Variants in DPP8 observed in about 807,000 individuals in gnomAD.
The protein encoded by DPP8 is dipeptidyl peptidase 8, also known as DPP VIII.
A neutral mutation model predicts 107.5 loss-of-function variants in DPP8; 31 were observed. The observed-to-expected ratio is 0.29, with a 90% CI of 0.22 to 0.39. The LOEUF (loss-of-function observed/expected upper bound fraction) is 0.39, where lower values mean the gene tolerates loss of function less well. Ranked by LOEUF, DPP8 falls within the 10% of genes least tolerant of loss-of-function variation. The pLI is 1.00. For missense variants in DPP8, 842 were observed against 1,076.1 expected (o/e 0.78, Z 3.04); for synonymous variants, 381 against 356.6 (o/e 1.07, Z -0.77).
intron 11 of DPP8, 74 bp downstream of exon 11, chr15:65,478,806 G>A: frequency 9.5e-7 from 1 of 1,050,738 alleles, no homozygotes; most frequent in South Asian, 1.5e-5. Flanking sequence ...GCATGCAAAA[G>A]ATACATTCCC....
intron 15 of DPP8, among the ~76,000 whole-genome samples, chr15:65,463,503 T>C (rs1019732607): frequency 2.0e-5 from 3 of 151,652 alleles, no homozygotes; most frequent in East Asian, 1.9e-4. Flanking sequence ...CATTGCGCCA[T>C]TGTACTTCAG....
At chr15:65,490,849 C>T (rs2140903891) in intron 5 of DPP8, among the ~76,000 whole-genome samples, 1 of 152,032 alleles carries the variant, frequency 6.6e-6, no homozygotes, top group Non-Finnish European at 1.5e-5. Flanking sequence ...AAAAGAAAAC[C>T]ACAAAGCCAT....
intron 16 of DPP8, chr15:65,455,770 T>G: frequency 7.8e-7 from 1 of 1,287,792 alleles, no homozygotes; most frequent in South Asian, 1.2e-5. Context: ...AAAAGGAACA[T>G]CGGATTCTCA....
intron 15 of DPP8, 74 bp downstream of exon 15, chr15:65,463,687 G>A (rs1040298420): frequency 1.2e-5 from 16 of 1,305,242 alleles, no homozygotes; most frequent in Admixed American, 8.1e-5. Flanking sequence ...AAACTGACTA[G>A]ACATTTAAAA....
Position 65,446,616 on chromosome 15 carries a change from CTTTT to C in DPP8, c.*264_*267del, listed in dbSNP as rs397969608. 3.4e-5 allele frequency: 4 copies of C among 119,078 alleles called. No individual in the cohort carries two copies. Among genetic ancestry groups the C allele is most frequent in the East Asian group, 2.5e-4 (1 of 4,024 alleles). 7.4% of individuals were successfully genotyped at this position (119,078 alleles called of 1,614,324 possible). On this transcript the variant is annotated 3_prime_UTR_variant, in exon 20 of 20. Coordinates refer to ENST00000300141, the MANE Select transcript of DPP8 (RefSeq NM_130434.5). Reference sequence around the variant, plus strand: ...TAGTATGAATACATGGTGCTAATGTCTTTTTTTTTTTTTTTTTTTTAGTAATTCT... The same window carrying C: ...TAGTATGAATACATGGTGCTAATGTCTTTTTTTTTTTTTTTTAGTAATTCT...
chr15:65,512,074 T>C (rs1024036119), intron 2 of DPP8: 10 of 684,066 alleles, frequency 1.5e-5, no homozygotes, highest in Admixed American at 4.1e-5. Flanking sequence ...TCTTCGATTT[T>C]GAAAAACGAT....
intron 8 of DPP8, among the ~76,000 whole-genome samples, chr15:65,482,892 C>T (rs1210858171): frequency 2.7e-5 from 4 of 150,832 alleles, no homozygotes; most frequent in East Asian, 4.0e-4. Context: ...GTCAGGAGAT[C>T]GAGACCATCC....
At chr15:65,510,941 G>A (rs1045047187) in intron 2 of DPP8, among the ~76,000 whole-genome samples, 2 of 152,150 alleles carry the variant, frequency 1.3e-5, no homozygotes, top group African/African-American at 4.8e-5. Flanking sequence ...GACTGGGAAA[G>A]ATCAAAAAGT....
intron 3 of DPP8, among the ~76,000 whole-genome samples, chr15:65,502,304 GAAAA>G (rs11320643): frequency 1.4e-5 from 2 of 147,218 alleles, no homozygotes; most frequent in Non-Finnish European, 3.0e-5. Context: ...TTGCTAAATG[GAAAA>G]AAAAAAAAAA....
At chr15:65,495,523 G>C (rs530795756) in intron 5 of DPP8, among the ~76,000 whole-genome samples, 4 of 152,242 alleles carry the variant, frequency 2.6e-5, no homozygotes, top group Admixed American at 2.6e-4. Context: ...AGAATCACTT[G>C]AACGCAGGAG....
chr15:65,478,874 T>C lies in DPP8; in HGVS notation c.1456+6A>G, dbSNP rs763154386. ...TTCTTTTTTTAAAATAAAATGGATTTCTTACTTGGAGCAGGCAGCCCACCA... is the reference window on the plus strand; with the variant it reads ...TTCTTTTTTTAAAATAAAATGGATTCCTTACTTGGAGCAGGCAGCCCACCA... On this transcript the variant is annotated splice_donor_region_variant and intron_variant, in intron 11 of 19. Transcript: ENST00000300141. 2 of 1,551,902 alleles carry C rather than the reference T, an allele frequency of 1.3e-6. No individual in the cohort carries two copies. The highest frequency in any genetic ancestry group is 1.7e-6 in the Non-Finnish European group (2 of 1,155,840).
In DPP8 at chr15:65,448,690, AAT is replaced by A. The variant is rs1491078036; in HGVS notation, c.2527-1686_2527-1685del. Among the ~76,000 whole-genome samples, 815 of 112,020 alleles carry A rather than the reference AAT, an allele frequency of 7.3e-3. 20 individuals are homozygous for A. Among genetic ancestry groups the A allele is most frequent in the East Asian group, 0.011 (37 of 3,418 alleles). 73.5% of individuals were successfully genotyped at this position (112,020 alleles called of 152,430 possible). Reference sequence around the variant, plus strand: ...CCATCTCAAAAAAAAAAAAAAAAAAAATATATATATATATAAAATGTACATAT... The same window carrying A: ...CCATCTCAAAAAAAAAAAAAAAAAAAATATATATATATAAAATGTACATAT... On this transcript the variant is annotated intron_variant, in intron 19 of 19. Coordinates refer to ENST00000300141, the MANE Select transcript of DPP8 (RefSeq NM_130434.5).
intron 11 of DPP8, 143 bp downstream of exon 11, chr15:65,478,733 GTATT>G (rs2140706334): frequency 1.8e-6 from 1 of 569,842 alleles, no homozygotes; most frequent in African/African-American, 2.0e-5. Flanking sequence ...ACACATACAT[GTATT>G]TATGTTTTAG....
At position 65,463,689 on chromosome 15, in the gene DPP8, C is replaced by T. The variant is rs905482857; in HGVS notation, c.1971+72G>A. 6 of 1,330,926 alleles carry T rather than the reference C, an allele frequency of 4.5e-6. No homozygotes were observed. The African/African-American group carries it at 7.5e-5, about 17-fold the overall frequency. 82.4% of individuals were successfully genotyped at this position (1,330,926 alleles called of 1,614,324 possible). The stretch of plus-strand genomic sequence containing the variant: ...TGCTCAAAATCTTAAACTGACTAGA[C>T]ATTTAAAAAACAAAAGATCTAAAAT... On this transcript the variant is annotated intron_variant, in intron 15 of 19. Transcript: ENST00000300141.
intron 3 of DPP8, among the ~76,000 whole-genome samples, chr15:65,506,112 A>G (rs1253036343): frequency 6.6e-6 from 1 of 150,790 alleles, no homozygotes; most frequent in Non-Finnish European, 1.5e-5. Flanking sequence ...CAGGCAGATC[A>G]CGAGGTCAGG....
chr15:65,514,088 TAA>T (rs998298946), intron 1 of DPP8, among the ~76,000 whole-genome samples: 1 of 152,252 alleles, frequency 6.6e-6, no homozygotes, highest in Admixed American at 6.5e-5. Context: ...TATCACAGAC[TAA>T]AAGTTATTAG....
At chr15:65,512,144 A>C in intron 2 of DPP8, 151 bp downstream of exon 2, 1 of 796,638 alleles carries the variant, frequency 1.3e-6, no homozygotes, top group Non-Finnish European at 2.1e-6. Context: ...GATACAACAA[A>C]ATCGAATTCT....
intron 19 of DPP8, among the ~76,000 whole-genome samples, chr15:65,448,691 AT>A (rs55805902): frequency 0.044 from 4,690 of 106,100 alleles, 286 homozygotes; most frequent in Admixed American, 0.088. Context: ...AAAAAAAAAA[AT>A]ATATATATAT....
At chr15:65,458,322 G>C (rs1375629322) in intron 15 of DPP8, among the ~76,000 whole-genome samples, 2 of 152,096 alleles carry the variant, frequency 1.3e-5, no homozygotes, top group Non-Finnish European at 2.9e-5. Flanking sequence ...GTGCAATGGC[G>C]TGATCTCGGC....
Sources: allele counts gnomAD v4.1 joint callset (sites outside exome capture counted in the v4.1 genomes callset), GRCh38; gene constraint gnomAD v4.1.1; transcripts MANE v1.5; gene names NCBI Gene and HGNC (gene_info 2026-07-23, HGNC 2026-07-21).